ST6GAL1: variants seen among roughly 807,000 people sequenced by gnomAD.
ST6GAL1 encodes the protein beta-galactoside alpha-2,6-sialyltransferase 1.
In ST6GAL1, 20 loss-of-function variants were observed where a neutral mutation model predicts 38.0. The observed-to-expected ratio is 0.53, with a 90% confidence interval of 0.37 to 0.77. The LOEUF (loss-of-function observed/expected upper bound fraction) is 0.77, where lower values mean the gene tolerates loss of function less well. ST6GAL1 is among the 30% of genes least tolerant of loss of function. ST6GAL1 has a pLI of 0.00. For missense variants in ST6GAL1, 432 were observed against 496.4 expected, an observed-to-expected ratio of 0.87 and a Z score of 1.23; for synonymous variants, 196 against 188.2, an observed-to-expected ratio of 1.04 and a Z score of -0.34.
At chr3:187,060,335 A>G (rs907825205) in intron 5 of ST6GAL1, among the ~76,000 whole-genome samples, 3 of 152,072 alleles carry the variant, frequency 2.0e-5, no homozygotes, top group Admixed American at 6.5e-5. Context: ...TAATTTTTGT[A>G]TTTTTAGCAG....
intron 2 of ST6GAL1, among the ~76,000 whole-genome samples, chr3:186,978,558 G>T (rs1240912984): frequency 2.6e-5 from 4 of 152,242 alleles, no homozygotes; most frequent in Admixed American, 2.0e-4. Flanking sequence ...AGCCAGAAAA[G>T]ATGGTCTCTG....
At position 187,054,224 on chromosome 3, in the gene ST6GAL1, A is replaced by T. The variant is rs369319565; in HGVS notation, c.705+2878A>T. Among the ~76,000 whole-genome samples the T allele has an allele frequency of 3.0e-4, 45 of 152,310 alleles. 1 individual carries two copies. The South Asian group carries it at 8.1e-3, about 27-fold the overall frequency. On this transcript the variant is annotated intron_variant, in intron 5 of 7. Coordinates refer to ENST00000169298, the MANE Select transcript of ST6GAL1 (RefSeq NM_173216.2). ...GCTGAGATGATGGGTTTTTCTAAAT[A>T]TACAATCATGTCATCTGCAAACAGG...
intron 2 of ST6GAL1, among the ~76,000 whole-genome samples, chr3:187,018,159 T>G (rs1452609098): frequency 6.6e-6 from 1 of 152,164 alleles, no homozygotes; most frequent in Non-Finnish European, 1.5e-5. Context: ...TTTGATCTGA[T>G]ACTCCAGAAA....
chr3:186,959,414 C>G (rs1336240575), intron 1 of ST6GAL1, among the ~76,000 whole-genome samples: 1 of 152,164 alleles, frequency 6.6e-6, no homozygotes, highest in Non-Finnish European at 1.5e-5. Context: ...GCTCTTGTCA[C>G]CTCATCTGAA....
chr3:187,004,511 G>C (rs1716717237), intron 2 of ST6GAL1, among the ~76,000 whole-genome samples: 1 of 152,216 alleles, frequency 6.6e-6, no homozygotes, highest in South Asian at 2.1e-4. Context: ...CCTGCTTGTA[G>C]CCTCCATAGG....
At chr3:187,006,123 T>C (rs2108555724) in intron 2 of ST6GAL1, 1 of 152,348 alleles carries the variant, frequency 6.6e-6, no homozygotes, top group East Asian at 1.9e-4. Flanking sequence ...AAGGAATTTA[T>C]ATTTTATCTG....
chr3:186,978,122 A>G lies in ST6GAL1; in HGVS notation c.-183+14196A>G, dbSNP rs796644463. ...GCTACTTGGGAGGCTGAGGCTAGAG[A>G]ATCGCTTGAACCCAGGAGGCAGAGG... is the stretch of plus-strand genomic sequence containing the variant. On this transcript the variant is annotated intron_variant, in intron 2 of 7. Transcript: ENST00000169298. Among the ~76,000 whole-genome samples, 37 of 152,304 alleles carry G rather than the reference A, an allele frequency of 2.4e-4. 2 individuals are homozygous for G. The highest frequency in any genetic ancestry group is 7.7e-4 in the African/African-American group (32 of 41,572).
intron 2 of ST6GAL1, among the ~76,000 whole-genome samples, chr3:187,036,060 CA>C (rs989664188): frequency 7.2e-5 from 11 of 151,854 alleles, no homozygotes; most frequent in Admixed American, 7.2e-4. Flanking sequence ...ATTGAACAAG[CA>C]AAAAACAAAT....
rs1232182284 is a variant in ST6GAL1, at chr3:186,952,708, C to A, written c.-324-11077C>A. 6.6e-6 allele frequency among the ~76,000 whole-genome samples: 1 copy of A among 152,116 alleles called. No individual in the cohort carries two copies. Among genetic ancestry groups the A allele is most frequent in the Non-Finnish European group, 1.5e-5 (1 of 68,014 alleles). Reference sequence around the variant, plus strand: ...CTGTCTCCTCATGCCCTGGCCATCTCATATCATCAATTTCCTGACAACCCT... The same window carrying A: ...CTGTCTCCTCATGCCCTGGCCATCTAATATCATCAATTTCCTGACAACCCT... On this transcript the variant is annotated intron_variant, in intron 1 of 7. Coordinates refer to ENST00000169298, the MANE Select transcript of ST6GAL1 (RefSeq NM_173216.2). This position sits in a 1 kb window ranked among gnomAD's most constrained non-coding sequence, Gnocchi z 4.1.
At chr3:187,025,235 A>G (rs1181775014) in intron 2 of ST6GAL1, among the ~76,000 whole-genome samples, 1 of 152,166 alleles carries the variant, frequency 6.6e-6, no homozygotes, top group African/African-American at 2.4e-5. Flanking sequence ...AAACTGATAC[A>G]AAGTCTGGCG....
At chr3:187,063,208 A>G (rs887876347) in intron 5 of ST6GAL1, among the ~76,000 whole-genome samples, 1 of 152,234 alleles carries the variant, frequency 6.6e-6, no homozygotes, top group African/African-American at 2.4e-5. Context: ...GTTACCCACA[A>G]CATGATGGTG....
intron 2 of ST6GAL1, among the ~76,000 whole-genome samples, chr3:186,990,899 C>T (rs1716145373): frequency 6.6e-6 from 1 of 152,112 alleles, no homozygotes; most frequent in African/African-American, 2.4e-5. Context: ...GTAAGTTCTC[C>T]TCACTCCCTC....
chr3:187,031,890 G>A (rs1471119669), intron 2 of ST6GAL1, among the ~76,000 whole-genome samples: 1 of 152,192 alleles, frequency 6.6e-6, no homozygotes, highest in Non-Finnish European at 1.5e-5. Flanking sequence ...AGGCAGTTTG[G>A]GCTCTTGTCT....
At chr3:186,997,189 C>T (rs184125818) in intron 2 of ST6GAL1, among the ~76,000 whole-genome samples, 24 of 152,264 alleles carry the variant, frequency 1.6e-4, no homozygotes, top group East Asian at 5.8e-4. Context: ...GGGCACGTTA[C>T]GCTACTTCCT....
At chr3:187,037,116 G>T (rs1717958234) in intron 2 of ST6GAL1, among the ~76,000 whole-genome samples, 1 of 152,074 alleles carries the variant, frequency 6.6e-6, no homozygotes, top group Admixed American at 6.6e-5. Flanking sequence ...CTGGTCCATG[G>T]TCAGAAGCTC....
chr3:186,966,462 T>TC (rs1411584205), intron 2 of ST6GAL1, among the ~76,000 whole-genome samples: 2 of 152,216 alleles, frequency 1.3e-5, no homozygotes, highest in Non-Finnish European at 2.9e-5. Context: ...GTCTGTGACC[T>TC]CCACAGCTTC....
At chr3:187,070,100 C>T (rs978282552) in intron 5 of ST6GAL1, among the ~76,000 whole-genome samples, 3 of 152,164 alleles carry the variant, frequency 2.0e-5, no homozygotes, top group African/African-American at 7.2e-5. Flanking sequence ...ATAACCTTGC[C>T]TCTAAGGATA....
At chr3:186,948,255 C>T (rs1579261605) in intron 1 of ST6GAL1, among the ~76,000 whole-genome samples, 2 of 152,210 alleles carry the variant, frequency 1.3e-5, no homozygotes, top group South Asian at 2.1e-4. Context: ...GTCTGGTAGA[C>T]GCCAGTGGTC....
chr3:186,944,468 A>G (rs1318051105), intron 1 of ST6GAL1, among the ~76,000 whole-genome samples: 1 of 152,218 alleles, frequency 6.6e-6, no homozygotes, highest in Non-Finnish European at 1.5e-5. Flanking sequence ...GCTCTCGGGT[A>G]GGAGAGGCAG....
Sources: allele counts gnomAD v4.1 joint callset (sites outside exome capture counted in the v4.1 genomes callset), GRCh38; gene constraint gnomAD v4.1.1; non-coding constraint Gnocchi (gnomAD v3.1); transcripts MANE v1.5; gene names NCBI Gene and HGNC (gene_info 2026-07-23, HGNC 2026-07-21).